The following SPATA16 variants were observed in gnomAD, a reference collection of about 807,000 sequenced individuals.
The protein encoded by SPATA16 is spermatogenesis associated 16, also known as spermatogenesis-associated protein 16.
A neutral mutation model predicts 63.3 loss-of-function variants in SPATA16; 36 were observed. That is an observed-to-expected ratio of 0.57 (90% confidence interval 0.44 to 0.75). The LOEUF (loss-of-function observed/expected upper bound fraction) is 0.75, where lower values mean the gene tolerates loss of function less well. SPATA16 is among the 30% of genes least tolerant of loss of function. The pLI is 0.00. For synonymous variants in SPATA16, 203 were observed against 216.7 expected (o/e 0.94, Z 0.56); for missense variants, 646 against 679.3 (o/e 0.95, Z 0.54).
intron 2 of SPATA16, among the ~76,000 whole-genome samples, chr3:173,078,003 A>C (rs998719389): frequency 3.9e-5 from 6 of 152,204 alleles, no homozygotes; most frequent in Non-Finnish European, 1.5e-5. Context: ...CTATAGTGAG[A>C]CATGCTATAA....
At chr3:172,936,341 A>G (rs369187693) in intron 6 of SPATA16, among the ~76,000 whole-genome samples, 19 of 152,222 alleles carry the variant, frequency 1.2e-4, no homozygotes, top group African/African-American at 4.6e-4. Context: ...AAGCTTCTCA[A>G]CAGCAGGGCT....
chr3:172,974,563 C>T (rs556770870), intron 5 of SPATA16, among the ~76,000 whole-genome samples: 3 of 151,896 alleles, frequency 2.0e-5, no homozygotes, highest in Admixed American at 6.6e-5. Flanking sequence ...GAATCAAGAT[C>T]AAGGAGAAGC....
At position 172,917,986 on chromosome 3, in the gene SPATA16, G is replaced by C. The variant is rs183267144; in HGVS notation, c.1339-1505C>G. 2.3e-3 allele frequency among the ~76,000 whole-genome samples: 356 copies of C among 152,288 alleles called. 1 individual carries two copies. The highest frequency in any genetic ancestry group is 8.3e-3 in the African/African-American group (347 of 41,564). ...TTTGTCCCTAACACCTACATATGCT[G>C]TTCAGTGAATGTCTTCTTACTCACA... On this transcript the variant is annotated intron_variant, in intron 8 of 10. Coordinates refer to ENST00000351008, the MANE Select transcript of SPATA16 (RefSeq NM_031955.6).
intron 2 of SPATA16, among the ~76,000 whole-genome samples, chr3:173,066,357 T>C (rs1375799434): frequency 6.6e-6 from 1 of 152,178 alleles, no homozygotes; most frequent in Non-Finnish European, 1.5e-5. Context: ...GCCCCAGTAT[T>C]GTTCTTGTCT....
At chr3:173,010,582 G>T (rs1005088637) in intron 4 of SPATA16, among the ~76,000 whole-genome samples, 2 of 152,162 alleles carry the variant, frequency 1.3e-5, no homozygotes, top group African/African-American at 4.8e-5. Context: ...GGAACAGAAA[G>T]CCTAAGTACT....
chr3:173,078,429 T>G (rs1340810623), intron 2 of SPATA16, among the ~76,000 whole-genome samples: 1 of 152,220 alleles, frequency 6.6e-6, no homozygotes, highest in East Asian at 1.9e-4. Flanking sequence ...AAAAGCATCA[T>G]ATTTTTAGAA....
chr3:173,070,519 T>A (rs1321027808), intron 2 of SPATA16, among the ~76,000 whole-genome samples: 2 of 150,452 alleles, frequency 1.3e-5, no homozygotes, highest in Non-Finnish European at 3.0e-5. Context: ...AAGGAAGAAA[T>A]CAAACTAGCC....
At chr3:172,944,900 A>G (rs535945954) in intron 6 of SPATA16, among the ~76,000 whole-genome samples, 30 of 152,164 alleles carry the variant, frequency 2.0e-4, no homozygotes, top group Non-Finnish European at 3.7e-4. Context: ...TTGTAGATGG[A>G]TGGTGGTAAT....
intron 2 of SPATA16, among the ~76,000 whole-genome samples, chr3:173,066,431 A>AC (rs1736522749): frequency 6.6e-6 from 1 of 151,878 alleles, no homozygotes; most frequent in Admixed American, 6.6e-5. Flanking sequence ...GCCTGTGTCA[A>AC]CCCTCCTCCA....
At chr3:173,042,010 A>G (rs1735851884) in intron 3 of SPATA16, among the ~76,000 whole-genome samples, 1 of 152,176 alleles carries the variant, frequency 6.6e-6, no homozygotes, top group African/African-American at 2.4e-5. Flanking sequence ...GATATCTGCA[A>G]GAAATTTGCA....
At chr3:172,902,600 C>G (rs140460040) in intron 10 of SPATA16, among the ~76,000 whole-genome samples, 3 of 152,230 alleles carry the variant, frequency 2.0e-5, no homozygotes, top group African/African-American at 7.2e-5. Context: ...AAGTTAAAAG[C>G]CTTTCAAATT....
chr3:172,954,820 T>C (rs1380459680), intron 6 of SPATA16, among the ~76,000 whole-genome samples: 1 of 152,202 alleles, frequency 6.6e-6, no homozygotes, highest in African/African-American at 2.4e-5. Context: ...AGTAGCATTG[T>C]TAACCCAAAG....
chr3:173,084,466 GTTGT>G (rs1349975427), intron 2 of SPATA16, among the ~76,000 whole-genome samples: 30 of 152,078 alleles, frequency 2.0e-4, no homozygotes, highest in Admixed American at 5.2e-4. Context: ...CATTCTGTAG[GTTGT>G]TTGTTTGCCC....
intron 2 of SPATA16, among the ~76,000 whole-genome samples, chr3:173,068,117 AC>A (rs1736566978): frequency 6.6e-6 from 1 of 152,228 alleles, no homozygotes; most frequent in Non-Finnish European, 1.5e-5. Flanking sequence ...TTTAAATAAA[AC>A]GAAGTTAATG....
chr3:172,898,597 C>T (rs1349565376), intron 10 of SPATA16, among the ~76,000 whole-genome samples: 1 of 150,902 alleles, frequency 6.6e-6, no homozygotes, highest in Non-Finnish European at 1.5e-5. Context: ...TGTGTCTTCT[C>T]CCTTTTTTAT....
chr3:173,124,728 G>T (rs1738181562), intron 1 of SPATA16, among the ~76,000 whole-genome samples: 1 of 151,910 alleles, frequency 6.6e-6, no homozygotes, highest in Admixed American at 6.6e-5. Flanking sequence ...CTGTTTAATG[G>T]AACACTTTCT....
intron 10 of SPATA16, among the ~76,000 whole-genome samples, chr3:172,891,180 A>G (rs1416062300): frequency 1.3e-5 from 2 of 152,154 alleles, no homozygotes; most frequent in African/African-American, 2.4e-5. Flanking sequence ...GTTCTTTACA[A>G]TAAGAATATT....
At chr3:173,127,761 A>G (rs560778160) in intron 1 of SPATA16, among the ~76,000 whole-genome samples, 46 of 152,332 alleles carry the variant, frequency 3.0e-4, no homozygotes, top group African/African-American at 1.0e-3. Flanking sequence ...CCTGGTCAAG[A>G]TGTTATCTAG....
At chr3:173,005,610 G>C (rs1734927337) in intron 4 of SPATA16, among the ~76,000 whole-genome samples, 1 of 152,156 alleles carries the variant, frequency 6.6e-6, no homozygotes, top group South Asian at 2.1e-4. Context: ...GAAATGTTTA[G>C]AGGTAATGCA....
Sources: allele counts gnomAD v4.1 joint callset (sites outside exome capture counted in the v4.1 genomes callset), GRCh38; gene constraint gnomAD v4.1.1; transcripts MANE v1.5; gene names NCBI Gene and HGNC (gene_info 2026-07-23, HGNC 2026-07-21).